Variants in PMS1 observed in about 807,000 individuals in gnomAD.
PMS1 encodes PMS1 homolog 1, mismatch repair system component, also known as PMS1 protein homolog 1.
A neutral mutation model predicts 93.1 loss-of-function variants in PMS1; 79 were observed. The observed-to-expected ratio is 0.85, with a 90% CI of 0.71 to 1.02. The LOEUF (loss-of-function observed/expected upper bound fraction) is 1.02. PMS1 is among the 50% of genes least tolerant of loss of function. The pLI, the probability that PMS1 is intolerant of heterozygous loss-of-function variation, is 0.00. For missense variants in PMS1, 1,064 were observed against 1,085.3 expected (o/e 0.98, Z 0.28); for synonymous variants, 335 against 363.4 (o/e 0.92, Z 0.89).
chr2:189,867,896 A>G lies in PMS1; in HGVS notation c.2440A>G (p.Thr814Ala), dbSNP rs200172149. The G allele has an allele frequency of 1.1e-5, 18 of 1,610,356 alleles. No homozygotes were observed. The East Asian group carries it at 3.8e-4, about 34-fold the overall frequency. The change falls in exon 11 of 13, where the codon ACA becomes GCA. Residue 814 changes from threonine (T) to alanine (A), a missense_variant. Thr to Ala is a moderately conservative substitution (Grantham distance 58). Coordinates refer to ENST00000441310, the MANE Select transcript of PMS1 (RefSeq NM_000534.5). ...GSTYLSDPRL[T>A]ANGFKIKLIP... is the part of the protein sequence containing the mutation. Reference sequence around the variant, plus strand: ...AACTTACCTGTCTGATCCTCGTCTTACAGCGAATGGTTTCAAGATAAAATT... The same window carrying G: ...AACTTACCTGTCTGATCCTCGTCTTGCAGCGAATGGTTTCAAGATAAAATT...
chr2:189,829,465 G>A (rs2052733894), intron 5 of PMS1, among the ~76,000 whole-genome samples: 1 of 151,940 alleles, frequency 6.6e-6, no homozygotes, highest in Admixed American at 6.6e-5. Flanking sequence ...GGTGTCCTTG[G>A]TTCTCTCCTT....
chr2:189,865,564 T>C (rs777258826), intron 10 of PMS1, among the ~76,000 whole-genome samples: 1 of 152,194 alleles, frequency 6.6e-6, no homozygotes, highest in Non-Finnish European at 1.5e-5. Flanking sequence ...GTGCCAATCA[T>C]TGATGATTTT....
chr2:189,814,443 T>C (rs961470202), intron 4 of PMS1, among the ~76,000 whole-genome samples: 1 of 152,062 alleles, frequency 6.6e-6, no homozygotes, highest in Non-Finnish European at 1.5e-5. Flanking sequence ...AAAAATCTTT[T>C]CCCCCCAATC....
Position 189,877,358 on chromosome 2 carries a change from G to C in PMS1, c.2721G>C (p.Gln907His). Residue 907 changes from glutamine to histidine, a missense_variant, in exon 13 of 13, where the codon CAG becomes CAC. Coordinates refer to ENST00000441310, the MANE Select transcript of PMS1 (RefSeq NM_000534.5). Reference protein sequence around the residue: ...IQDIIYRMKHQFGNEIKECVH... With the variant: ...IQDIIYRMKHHFGNEIKECVH... ...ACATTATCTACAGAATGAAGCACCA[G>C]TTTGGAAATGAAATTAAAGAGTGTG... 1.9e-6 allele frequency: 3 copies of C among 1,613,344 alleles called. No homozygotes were observed. The highest frequency in any genetic ancestry group is 2.5e-6 in the Non-Finnish European group (3 of 1,179,292).
intron 1 of PMS1, among the ~76,000 whole-genome samples, chr2:189,789,866 G>T (rs5742970): frequency 6.6e-6 from 1 of 152,038 alleles, no homozygotes; most frequent in Non-Finnish European, 1.5e-5. Context: ...TGTCAAGCTT[G>T]TGCTTATTTT....
In PMS1 at chr2:189,854,451, T is replaced by C. The variant is rs754255687; in HGVS notation, c.1179T>C (p.Asp393=). 1.2e-6 allele frequency: 2 copies of C among 1,611,624 alleles called. No homozygotes were observed. Among genetic ancestry groups the C allele is most frequent in the South Asian group, 1.1e-5 (1 of 90,904 alleles). Residue 393 remains aspartate (D), a synonymous_variant, in exon 9 of 13, where the codon GAT becomes GAC. Transcript: ENST00000441310. The part of the protein sequence containing the change: ...VDTSVIPFQN[D]MHNDESGKNT... ...CTTCAGTCATTCCATTCCAAAATGA[T>C]ATGCATAATGATGAATCTGGAAAAA...
chr2:189,848,524 A>G (rs958714335), intron 6 of PMS1, among the ~76,000 whole-genome samples: 1 of 152,172 alleles, frequency 6.6e-6, no homozygotes, highest in Admixed American at 6.5e-5. Flanking sequence ...ATCTGTGCTT[A>G]CCCATTGAAT....
intron 4 of PMS1, among the ~76,000 whole-genome samples, chr2:189,808,594 G>A (rs577481280): frequency 1.2e-4 from 18 of 152,278 alleles, no homozygotes; most frequent in Admixed American, 1.0e-3. Context: ...GCCCCGCAAA[G>A]TGCTGGGATT....
chr2:189,834,753 A>T (rs1450671631), intron 5 of PMS1, among the ~76,000 whole-genome samples: 1 of 152,240 alleles, frequency 6.6e-6, no homozygotes, highest in East Asian at 1.9e-4. Flanking sequence ...TTTTAGAGAC[A>T]GGGTCTCACT....
At position 189,805,856 on chromosome 2, in the gene PMS1, G is replaced by GGC. The variant is rs1214122311; in HGVS notation, c.418+103_418+104dup. 1.9e-6 allele frequency: 3 copies of GGC among 1,560,012 alleles called. No homozygotes were observed. In the African/African-American group the frequency reaches 4.1e-5, roughly 21 times the overall value. On this transcript the variant is annotated intron_variant, in intron 4 of 12. Transcript: ENST00000441310. Reference sequence around the variant, plus strand: ...CGGTGAATACAAATATATTGCTTTGGGCTTGGTCCTGATAAAGGCTAGTTA... The same window carrying GGC: ...CGGTGAATACAAATATATTGCTTTGGGCGCTTGGTCCTGATAAAGGCTAGTTA...
At chr2:189,797,598 A>T (rs1464692987) in intron 3 of PMS1, among the ~76,000 whole-genome samples, 2 of 152,192 alleles carry the variant, frequency 1.3e-5, no homozygotes, top group East Asian at 1.9e-4. Flanking sequence ...CCCAGTAGCC[A>T]TGTAATCCTT....
intron 5 of PMS1, among the ~76,000 whole-genome samples, chr2:189,818,598 A>C (rs1322091657): frequency 6.6e-6 from 1 of 152,252 alleles, no homozygotes; most frequent in Non-Finnish European, 1.5e-5. Context: ...CCCAAAGACA[A>C]CATGTAAAGA....
chr2:189,823,392 A>G (rs2052123845), intron 5 of PMS1, among the ~76,000 whole-genome samples: 1 of 152,112 alleles, frequency 6.6e-6, no homozygotes, highest in Admixed American at 6.6e-5. Context: ...CATTTACATT[A>G]GGAATATCTC....
chr2:189,820,661 C>A (rs1478466983), intron 5 of PMS1, among the ~76,000 whole-genome samples: 1 of 152,022 alleles, frequency 6.6e-6, no homozygotes, highest in Admixed American at 6.6e-5. Context: ...AGTTTTTTCC[C>A]ATGTTTCAGA....
At chr2:189,840,731 GTT>G (rs1352174725) in intron 5 of PMS1, among the ~76,000 whole-genome samples, 3 of 152,118 alleles carry the variant, frequency 2.0e-5, no homozygotes, top group Non-Finnish European at 2.9e-5. Context: ...GATTAAGGTT[GTT>G]ACCAAGAACT....
At chr2:189,866,083 G>C (rs769114184) in intron 10 of PMS1, among the ~76,000 whole-genome samples, 1 of 152,086 alleles carries the variant, frequency 6.6e-6, no homozygotes. Flanking sequence ...AACTGTCAGA[G>C]GAACAATTAG....
At position 189,863,766 on chromosome 2, in the gene PMS1, A is replaced by C; in HGVS notation, c.1880A>C (p.Asp627Ala). The C allele has an allele frequency of 3.1e-6, 5 of 1,600,480 alleles. No individual in the cohort carries two copies. The highest frequency in any genetic ancestry group is 4.3e-6 in the Non-Finnish European group (5 of 1,167,708). ...AGATATGAAGAGAAGGCTACTAAAG[A>C]CTTGGAACGATACAATAGTCAAATG... ...KLKYEEKATK[D>A]LERYNSQMKR... The change falls in exon 10 of 13, where the codon GAC becomes GCC. Residue 627 changes from aspartate (D) to alanine (A), a missense_variant. Physicochemically the swap from Asp to Ala is moderately radical, Grantham distance 126. Transcript: ENST00000441310.
chr2:189,793,780 A>T (rs114237316), intron 2 of PMS1, among the ~76,000 whole-genome samples: 5,739 of 152,334 alleles, frequency 0.038, 157 homozygotes, highest in African/African-American at 0.067. Context: ...TGCTTTGTAG[A>T]ATTTTAAGAT....
intron 5 of PMS1, among the ~76,000 whole-genome samples, chr2:189,843,527 T>C (rs987059381): frequency 6.6e-6 from 1 of 152,256 alleles, no homozygotes; most frequent in African/African-American, 2.4e-5. Context: ...ACATAGCTGA[T>C]CATCCTCAGT....
Sources: allele counts gnomAD v4.1 joint callset (sites outside exome capture counted in the v4.1 genomes callset), GRCh38; gene constraint gnomAD v4.1.1; transcripts MANE v1.5; gene names NCBI Gene and HGNC (gene_info 2026-07-23, HGNC 2026-07-21).